PARP12: variants seen among roughly 807,000 people sequenced by gnomAD.
The protein encoded by PARP12 is protein mono-ADP-ribosyltransferase PARP12.
Under a neutral mutation model 72.4 loss-of-function variants are expected in PARP12, and 59 were observed. The observed-to-expected ratio is 0.81, with a 90% confidence interval of 0.66 to 1.01. PARP12 has a LOEUF of 1.01. Ranked by LOEUF, PARP12 falls within the 50% of genes least tolerant of loss-of-function variation. The probability of loss-of-function intolerance (pLI) is 0.00; values close to 1 mark genes in which losing one functional copy is unlikely to be tolerated. For missense variants in PARP12, 851 were observed against 914.0 expected (o/e 0.93, Z 0.89); for synonymous variants, 403 against 371.4 (o/e 1.09, Z -0.98).
At chr7:140,058,893 C>T (rs1469945163) in intron 1 of PARP12, among the ~76,000 whole-genome samples, 4 of 151,910 alleles carry the variant, frequency 2.6e-5, no homozygotes, top group African/African-American at 7.3e-5. Context: ...GTCGGGAGTT[C>T]GAGACTAGCC....
chr7:140,026,455 G>C, intron 10 of PARP12, 107 bp from the exon 11 acceptor site: 1 of 1,460,852 alleles, frequency 6.8e-7, no homozygotes, highest in Non-Finnish European at 9.2e-7. Flanking sequence ...AAGTGTCCTG[G>C]GACCAAGAGA....
At position 140,062,818 on chromosome 7, in the gene PARP12, G is replaced by T; in HGVS notation, c.30C>A (p.Val10=). The T allele has an allele frequency of 7.1e-7, 1 of 1,406,500 alleles. No individual in the cohort carries two copies. The highest frequency in any genetic ancestry group is 2.7e-5 in the Admixed American group (1 of 37,464). 87.1% of individuals were successfully genotyped at this position (1,406,500 alleles called of 1,614,324 possible). The change falls in exon 1 of 12, where the codon GTC becomes GTA. Residue 10 remains valine, a synonymous_variant. Transcript: ENST00000263549. MAQAGVVGE[V]TQVLCAAGGA... ...CCCCGGCCGCGCACAGCACCTGGGT[G>T]ACCTCACCGACGACGCCGGCCTGGG...
At chr7:140,062,346 T>A (rs903959866) in intron 1 of PARP12, among the ~76,000 whole-genome samples, 176 bp downstream of exon 1, 5 of 152,120 alleles carry the variant, frequency 3.3e-5, no homozygotes, top group Non-Finnish European at 5.9e-5. Context: ...CCTCGCACTG[T>A]GCCAGGTACT....
At chr7:140,042,947 G>A (rs1462210092) in intron 5 of PARP12, among the ~76,000 whole-genome samples, 1 of 152,224 alleles carries the variant, frequency 6.6e-6, no homozygotes, top group Admixed American at 6.5e-5. Context: ...TGTAATCCCA[G>A]CACTTTGGGA....
chr7:140,032,430 G>A (rs576927882), intron 8 of PARP12, among the ~76,000 whole-genome samples: 1 of 151,976 alleles, frequency 6.6e-6, no homozygotes, highest in Admixed American at 6.5e-5. Flanking sequence ...TTCCATCTTG[G>A]CCTCCCAAAG....
intron 6 of PARP12, chr7:140,038,434 C>T (rs1019577274): frequency 6.6e-6 from 3 of 452,808 alleles, no homozygotes; most frequent in Non-Finnish European, 8.7e-6. Context: ...AACCTGCTGG[C>T]TCTATAACTT....
At chr7:140,032,415 G>A (rs953456341) in intron 8 of PARP12, among the ~76,000 whole-genome samples, 3 of 151,632 alleles carry the variant, frequency 2.0e-5, no homozygotes, top group Non-Finnish European at 4.4e-5. Flanking sequence ...GGGCTCAAGC[G>A]ATCCTTCCAT....
intron 9 of PARP12, 168 bp from the exon 10 acceptor site, chr7:140,027,574 A>C: frequency 1.5e-6 from 1 of 673,306 alleles, no homozygotes; most frequent in African/African-American, 1.8e-5. Flanking sequence ...ATCGGTCCTC[A>C]TGAAATGTCA....
At chr7:140,054,561 G>T in intron 4 of PARP12, 101 bp downstream of exon 4, 1 of 946,544 alleles carries the variant, frequency 1.1e-6, no homozygotes, top group Non-Finnish European at 1.7e-6. Context: ...CTCTCCGGAT[G>T]GGGTAGAGGT....
intron 4 of PARP12, among the ~76,000 whole-genome samples, chr7:140,052,032 C>T (rs1816983755): frequency 6.6e-6 from 1 of 152,168 alleles, no homozygotes; most frequent in Admixed American, 6.5e-5. Context: ...GGCCACTTCC[C>T]CCTTTTAGGA....
At position 140,062,647 on chromosome 7, in the gene PARP12, C is replaced by A; in HGVS notation, c.201G>T (p.Leu67=). Residue 67 remains leucine, a synonymous_variant, in exon 1 of 12, where the codon CTG becomes CTT. Coordinates refer to ENST00000263549, the MANE Select transcript of PARP12 (RefSeq NM_022750.4). ...GAAAAPERVV[L]AASPLRLCRA... ...GACACAGGCGCAGCGGCGAGGCGGC[C>A]AGCACCACGCGCTCCGGGGCCGCGG... 7.2e-7 allele frequency: 1 copy of A among 1,388,590 alleles called. No homozygotes were observed. The highest frequency in any genetic ancestry group is 9.3e-7 in the Non-Finnish European group (1 of 1,071,364). The allele number at this position is 1,388,590 out of a possible 1,614,324, so 86.0% of individuals were successfully genotyped here. A position where few individuals can be genotyped will look rare whatever the true frequency, so the allele number is the denominator to read the frequency against.
At chr7:140,046,794 C>T (rs1816745839) in intron 5 of PARP12, 90 bp downstream of exon 5, 1 of 1,047,348 alleles carries the variant, frequency 9.5e-7, no homozygotes, top group Non-Finnish European at 1.3e-6. Flanking sequence ...GACTAGGCTG[C>T]TCACAGTGTG....
In PARP12 at chr7:140,061,326, T is replaced by C. The variant is rs1199784770; in HGVS notation, c.326+1196A>G. ...TAGGCTGGCCTCAAGAGCCATGTGC[T>C]GAGGGGCACAGAGCGGAGGTCAGTC... is the stretch of plus-strand genomic sequence containing the variant. On this transcript the variant is annotated intron_variant, in intron 1 of 11. Transcript: ENST00000263549. 3.3e-5 allele frequency among the ~76,000 whole-genome samples: 5 copies of C among 152,298 alleles called. No individual in the cohort carries two copies. The South Asian group carries it at 6.2e-4, about 19-fold the overall frequency.
chr7:140,044,738 G>A (rs1198695122), intron 5 of PARP12, among the ~76,000 whole-genome samples: 1 of 152,178 alleles, frequency 6.6e-6, no homozygotes, highest in East Asian at 1.9e-4. Flanking sequence ...TTGAAGAACT[G>A]AGGGAAAATA....
At position 140,024,832 on chromosome 7, in the gene PARP12, T is replaced by C; in HGVS notation, c.1834A>G (p.Thr612Ala). The stretch of plus-strand genomic sequence containing the variant: ...GCCAGGAACATCGTGTGGGTCTGCG[T>C]GTCGGATTTGCTGTAGTGGTGGGAA... ...AYSHHYSKSD[T>A]QTHTMFLARV... Residue 612 changes from threonine to alanine, a missense_variant, in exon 12 of 12, where the codon ACG (threonine) becomes GCG (alanine). This residue lies in a region of PARP12 where 347 missense variants were observed against 396.1 expected (regional missense o/e 0.88). Transcript: ENST00000263549. 2 of 1,614,072 alleles carry C rather than the reference T, an allele frequency of 1.2e-6. No individual in the cohort carries two copies. Among genetic ancestry groups the C allele is most frequent in the Non-Finnish European group, 1.7e-6 (2 of 1,179,962 alleles).
At position 140,039,862 on chromosome 7, in the gene PARP12, G is replaced by A. The variant is rs550088011; in HGVS notation, c.1182+1782C>T. ...CGTGGCATATCAATAACATCCACAC[G>A]CGGTTCATCCCCAGACATTCTCAAA... is the stretch of plus-strand genomic sequence containing the variant. On this transcript the variant is annotated intron_variant, in intron 6 of 11. Transcript: ENST00000263549. Among the ~76,000 whole-genome samples, 9 of 151,874 alleles carry A rather than the reference G, an allele frequency of 5.9e-5. 1 individual carries two copies. The highest frequency in any genetic ancestry group is 2.1e-4 in the South Asian group (1 of 4,822).
At position 140,024,730 on chromosome 7, in the gene PARP12, C is replaced by T. The variant is rs201981379; in HGVS notation, c.1936G>A (p.Ala646Thr). Residue 646 changes from alanine (A) to threonine (T), a missense_variant, in exon 12 of 12, where the codon GCC (alanine) becomes ACC (threonine). Transcript: ENST00000263549. Reference protein sequence around the residue: ...RPPAKEGWSNAFYDSCVNSVS... With the variant: ...RPPAKEGWSNTFYDSCVNSVS... Reference sequence around the variant, plus strand: ...CTGTTCACGCAGCTATCATAGAAGGCGTTGCTCCAGCCCTCCTTGGCCGGC... The same window carrying T: ...CTGTTCACGCAGCTATCATAGAAGGTGTTGCTCCAGCCCTCCTTGGCCGGC... The T allele has an allele frequency of 1.4e-4, 231 of 1,614,036 alleles. No individual in the cohort carries two copies. Among genetic ancestry groups the T allele is most frequent in the Middle Eastern group, 6.6e-4 (4 of 6,084 alleles).
intron 5 of PARP12, among the ~76,000 whole-genome samples, chr7:140,043,159 G>A (rs531702361): frequency 2.4e-4 from 37 of 152,212 alleles, no homozygotes; most frequent in African/African-American, 5.5e-4. Context: ...GCACCACTGC[G>A]CTCCAACTTG....
At chr7:140,033,139 C>T (rs1269133930) in intron 8 of PARP12, 2 of 968,592 alleles carry the variant, frequency 2.1e-6, no homozygotes, top group Non-Finnish European at 2.5e-6. Flanking sequence ...GCAATCTACC[C>T]GCCTCGGCCT....
Sources: allele counts gnomAD v4.1 joint callset (sites outside exome capture counted in the v4.1 genomes callset), GRCh38; gene constraint gnomAD v4.1.1; regional missense constraint gnomAD v4.1.1; transcripts MANE v1.5; gene names NCBI Gene and HGNC (gene_info 2026-07-23, HGNC 2026-07-21).